The following UPF2 variants were observed in gnomAD, a reference collection of about 807,000 sequenced individuals.
UPF2 encodes the protein UPF2 regulator of nonsense mediated mRNA decay, also known as regulator of nonsense transcripts 2.
UPF2 carries 17 observed loss-of-function variants against 141.4 expected under a neutral mutation model. The observed-to-expected ratio is 0.12, with a 90% CI of 0.08 to 0.18. UPF2 has a LOEUF of 0.18. Ranked by LOEUF, UPF2 falls within the 10% of genes least tolerant of loss-of-function variation. The pLI is 1.00. For synonymous variants in UPF2, 540 were observed against 498.0 expected, an observed-to-expected ratio of 1.08 and a Z score of -1.12; for missense variants, 1,152 against 1,515.9, an observed-to-expected ratio of 0.76 and a Z score of 3.99.
intron 21 of UPF2, among the ~76,000 whole-genome samples, chr10:11,926,602 C>T (rs1832715963): frequency 6.6e-6 from 1 of 152,224 alleles, no homozygotes; most frequent in Admixed American, 6.5e-5. Context: ...GGAGGGCCTA[C>T]AATGCAAAGT....
At chr10:12,028,563 G>A (rs140140643) in intron 3 of UPF2, among the ~76,000 whole-genome samples, 182 bp downstream of exon 3, 2,942 of 152,144 alleles carry the variant, frequency 0.019, 53 homozygotes, top group African/African-American at 0.04. Context: ...AAAATCTATC[G>A]TAGACTCACA....
intron 6 of UPF2, 128 bp downstream of exon 6, chr10:12,001,548 G>A: frequency 1.1e-6 from 1 of 894,360 alleles, no homozygotes; most frequent in Non-Finnish European, 1.6e-6. Flanking sequence ...AACAGTGATG[G>A]ACTGAAAACA....
chr10:11,970,105 C>T (rs1454629272), intron 9 of UPF2, among the ~76,000 whole-genome samples: 1 of 152,100 alleles, frequency 6.6e-6, no homozygotes, highest in Non-Finnish European at 1.5e-5. Context: ...GATACATTAT[C>T]TTGAGCAAGT....
chr10:12,034,940 G>A, intron 2 of UPF2, 119 bp downstream of exon 2: 1 of 1,405,786 alleles, frequency 7.1e-7, no homozygotes, highest in Non-Finnish European at 9.4e-7. Context: ...AGTAAATTAA[G>A]ATACTCCCAA....
chr10:11,992,007 G>A lies in UPF2; in HGVS notation c.1844+5665C>T, dbSNP rs745999370. On this transcript the variant is annotated intron_variant, in intron 8 of 21. Transcript: ENST00000357604. The surrounding 1 kb of genome is among the most constrained non-coding windows in gnomAD (Gnocchi z 4.1). ...CTAAAAATACAAAAATTAGCTGGGC[G>A]TGGTGGCGGGCGCCTGTAATCCCAG... Among the ~76,000 whole-genome samples, 3 of 143,546 alleles carry A rather than the reference G, an allele frequency of 2.1e-5. No homozygotes were observed. The highest frequency in any genetic ancestry group is 6.9e-5 in the Admixed American group (1 of 14,568). The allele number at this position is 143,546 out of a possible 152,430, so 94.2% of individuals were successfully genotyped here.
At chr10:11,999,342 T>A (rs1588561145) in intron 7 of UPF2, among the ~76,000 whole-genome samples, 1 of 151,236 alleles carries the variant, frequency 6.6e-6, no homozygotes, top group South Asian at 2.1e-4. Flanking sequence ...TGAAACCATG[T>A]CTCTACTAAA....
At chr10:11,975,311 A>C (rs914314177) in intron 9 of UPF2, among the ~76,000 whole-genome samples, 1 of 152,162 alleles carries the variant, frequency 6.6e-6, no homozygotes, top group African/African-American at 2.4e-5. Context: ...AGTAGGCCAC[A>C]CTGAAACTTT....
chr10:11,923,919 C>T (rs1013029428), intron 21 of UPF2, among the ~76,000 whole-genome samples: 1 of 152,090 alleles, frequency 6.6e-6, no homozygotes, highest in Non-Finnish European at 1.5e-5. Context: ...AGAAACTAAT[C>T]AGAACTTGCT....
rs1834226964 is a variant in UPF2, at chr10:12,016,708, GAAGT to G, written c.1146-2528_1146-2525del. Among the ~76,000 whole-genome samples, 1 of 147,174 alleles carries G rather than the reference GAAGT, an allele frequency of 6.8e-6. No individual in the cohort carries two copies. The highest frequency in any genetic ancestry group is 2.1e-4 in the East Asian group (1 of 4,826). ...GACTGTCTAAAAAAAAAAAGAAAAA[GAAGT>G]AAGTTACTTAAAAATATCTGCAATG... is the stretch of plus-strand genomic sequence containing the variant. On this transcript the variant is annotated intron_variant, in intron 3 of 21. Coordinates refer to ENST00000357604, the MANE Select transcript of UPF2 (RefSeq NM_015542.4). The surrounding 1 kb of genome is among the most constrained non-coding windows in gnomAD (Gnocchi z 4.1).
chr10:12,001,257 T>C (rs996933127), intron 6 of UPF2, among the ~76,000 whole-genome samples: 1 of 151,864 alleles, frequency 6.6e-6, no homozygotes, highest in Non-Finnish European at 1.5e-5. Flanking sequence ...CTACTAAAAA[T>C]ACAAAAATTA....
At position 11,943,065 on chromosome 10, in the gene UPF2, G is replaced by A. The variant is rs747406922; in HGVS notation, c.3278C>T (p.Thr1093Ile). 3.1e-6 allele frequency: 5 copies of A among 1,605,960 alleles called. No homozygotes were observed. The highest frequency in any genetic ancestry group is 3.3e-5 in the Admixed American group (2 of 59,718). ...AGTAAATTTTTCAGCCATACGTACA[G>A]TATTCTCTTCATCGGTTTCATTTTC... Reference protein sequence around the residue: ...NKENETDEENTEVMIKGGGLK... With the variant: ...NKENETDEENIEVMIKGGGLK... Residue 1093 changes from threonine to isoleucine, a missense_variant and splice_region_variant, in exon 17 of 22, where the codon ACT becomes ATT. By Grantham distance (89) the Thr-to-Ile change is moderately conservative. Coordinates refer to ENST00000357604, the MANE Select transcript of UPF2 (RefSeq NM_015542.4).
chr10:11,946,782 G>A (rs1833005905), intron 16 of UPF2, among the ~76,000 whole-genome samples: 1 of 151,862 alleles, frequency 6.6e-6, no homozygotes, highest in South Asian at 2.1e-4. Flanking sequence ...GTCTCACTAT[G>A]TTGTCCAGGC....
rs551409416 is a variant in UPF2, at chr10:12,004,750, T to C, written c.1307-23A>G. ...GTTCTACAATAAAATAAATCACAAGTAATTAACATAACTTGAGGTTATAGC... is the reference window on the plus strand; with the variant it reads ...GTTCTACAATAAAATAAATCACAAGCAATTAACATAACTTGAGGTTATAGC... On this transcript the variant is annotated intron_variant, in intron 4 of 21. Coordinates refer to ENST00000357604, the MANE Select transcript of UPF2 (RefSeq NM_015542.4). 2.6e-4 allele frequency: 394 copies of C among 1,539,770 alleles called. 6 individuals carry two copies. The South Asian group carries it at 4.2e-3, about 16-fold the overall frequency.
chr10:12,039,327 T>C (rs1834692921), intron 1 of UPF2, among the ~76,000 whole-genome samples: 1 of 152,170 alleles, frequency 6.6e-6, no homozygotes, highest in Non-Finnish European at 1.5e-5. Flanking sequence ...TGGTAAATAC[T>C]GACTATAGCA....
chr10:11,924,168 C>A (rs1832681975), intron 21 of UPF2, among the ~76,000 whole-genome samples: 1 of 152,152 alleles, frequency 6.6e-6, no homozygotes, highest in African/African-American at 2.4e-5. Flanking sequence ...TAAGCAAATG[C>A]CTCTTATTTG....
rs988573121 is a variant in UPF2, at chr10:11,955,389, G to A, written c.2693C>T (p.Ser898Leu). ...AGAGCCATCAGGATTAACACCAAAT[G>A]AGGTAAAAGAATACAGAGTTCTGAA... ...VIFRTLYSFT[S>L]FGVNPDGSPS... Residue 898 changes from serine (S) to leucine (L), a missense_variant, in exon 14 of 22, where the codon TCA becomes TTA. Coordinates refer to ENST00000357604, the MANE Select transcript of UPF2 (RefSeq NM_015542.4). 5.0e-6 allele frequency: 8 copies of A among 1,614,050 alleles called. No homozygotes were observed. The highest frequency in any genetic ancestry group is 6.8e-6 in the Non-Finnish European group (8 of 1,180,026).
chr10:12,036,355 C>A (rs77531963), intron 1 of UPF2, among the ~76,000 whole-genome samples: 5,427 of 152,242 alleles, frequency 0.036, 111 homozygotes, highest in Middle Eastern at 0.075. Context: ...AAAATTATCA[C>A]CCAAAAACTG....
intron 10 of UPF2, 41 bp from the exon 11 acceptor site, chr10:11,964,166 T>G: frequency 2.1e-6 from 3 of 1,440,982 alleles, no homozygotes; most frequent in Non-Finnish European, 2.9e-6. Context: ...AGGCAACTCT[T>G]CAATCCTAGT....
At chr10:12,009,646 T>C (rs1052273511) in intron 4 of UPF2, among the ~76,000 whole-genome samples, 8 of 152,148 alleles carry the variant, frequency 5.3e-5, no homozygotes, top group Non-Finnish European at 1.2e-4. Flanking sequence ...GCTTACTTCA[T>C]AAAGAGATTT....
Sources: gnomAD v4.1 joint callset for allele counts (sites outside exome capture counted in the v4.1 genomes callset) on GRCh38, gnomAD v4.1.1 for gene constraint, Gnocchi (gnomAD v3.1) non-coding constraint, MANE v1.5 for transcripts, NCBI Gene and HGNC (gene_info 2026-07-23, HGNC 2026-07-21) for gene names.